The following PAX7 variants were observed in gnomAD, a reference collection of about 807,000 sequenced individuals.
PAX7 encodes paired box 7, also known as paired box protein Pax-7.
A neutral mutation model predicts 50.7 loss-of-function variants in PAX7; 18 were observed. The ratio of observed to expected loss-of-function variants is 0.36; its 90% CI spans 0.25 to 0.53. The LOEUF is 0.53. PAX7 is among the 20% of genes least tolerant of loss of function. The pLI is 0.93. For synonymous variants in PAX7, 310 were observed against 290.4 expected, an observed-to-expected ratio of 1.07 and a Z score of -0.69; for missense variants, 644 against 702.9, an observed-to-expected ratio of 0.92 and a Z score of 0.95.
At chr1:18,635,365 G>A in intron 3 of PAX7, 125 bp downstream of exon 3, 2 of 1,122,370 alleles carry the variant, frequency 1.8e-6, no homozygotes, top group Non-Finnish European at 2.5e-6. Context: ...GAGAAGTTGG[G>A]AGGAAAGGAG....
At chr1:18,645,577 G>A (rs1333633957) in intron 4 of PAX7, among the ~76,000 whole-genome samples, 1 of 152,208 alleles carries the variant, frequency 6.6e-6, no homozygotes, top group African/African-American at 2.4e-5. Context: ...TACGGCTGCG[G>A]GCTCCAATTC....
At chr1:18,729,447 T>C (rs184040569) in intron 7 of PAX7, among the ~76,000 whole-genome samples, 1 of 152,348 alleles carries the variant, frequency 6.6e-6, no homozygotes, top group Non-Finnish European at 1.5e-5. Context: ...CCAAGTTTCA[T>C]GTGCATATTT....
chr1:18,699,430 C>G (rs747961086), intron 5 of PAX7, among the ~76,000 whole-genome samples: 1 of 152,118 alleles, frequency 6.6e-6, no homozygotes, highest in Non-Finnish European at 1.5e-5. Flanking sequence ...GGAGAGGGAA[C>G]AGCATGTGCA....
chr1:18,645,406 G>T (rs2088323222), intron 4 of PAX7, among the ~76,000 whole-genome samples: 1 of 152,252 alleles, frequency 6.6e-6, no homozygotes. Context: ...GGGGCGGCGG[G>T]CGCGATAAGT....
At chr1:18,739,929 A>G (rs1931033319) in intron 8 of PAX7, among the ~76,000 whole-genome samples, 1 of 152,180 alleles carries the variant, frequency 6.6e-6, no homozygotes, top group African/African-American at 2.4e-5. Flanking sequence ...TGTGAAAAGA[A>G]TTTTAATAGA....
rs960375543 is a variant in PAX7 at position 18,746,772 on chromosome 1, A to T, written c.*1843A>T. The T allele has an allele frequency of 4.3e-6, 1 of 231,948 alleles. No homozygotes were observed. The highest frequency in any genetic ancestry group is 2.2e-5 in the African/African-American group (1 of 45,254). 14.4% of individuals were successfully genotyped at this position (231,948 alleles called of 1,614,324 possible). A position where few individuals can be genotyped will look rare whatever the true frequency, so the allele number is the denominator to read the frequency against. On this transcript the variant is annotated 3_prime_UTR_variant, in exon 9 of 9. Coordinates refer to ENST00000420770, the MANE Select transcript of PAX7 (RefSeq NM_001135254.2). ...GCAAGATTCTAGGACACTCACCTGC[A>T]TGGACATCACCTCTGTGACAAATGC... is the stretch of plus-strand genomic sequence containing the variant.
intron 4 of PAX7, among the ~76,000 whole-genome samples, chr1:18,647,077 G>A (rs1349214021): frequency 3.5e-4 from 53 of 151,088 alleles, no homozygotes; most frequent in South Asian, 2.1e-4. Flanking sequence ...GCGGGGGACG[G>A]AACAAAACAG....
chr1:18,734,058 C>A (rs2089680780), intron 7 of PAX7, among the ~76,000 whole-genome samples: 1 of 152,222 alleles, frequency 6.6e-6, no homozygotes, highest in African/African-American at 2.4e-5. Flanking sequence ...CCCGAGGAAT[C>A]CATCAGTGCC....
At chr1:18,635,397 C>T (rs2088134645) in intron 3 of PAX7, among the ~76,000 whole-genome samples, 157 bp downstream of exon 3, 1 of 150,652 alleles carries the variant, frequency 6.6e-6, no homozygotes, top group Admixed American at 6.6e-5. Flanking sequence ...AGAGTTAAGG[C>T]ATAGGAGTAA....
chr1:18,722,096 C>T (rs889387919), intron 7 of PAX7, among the ~76,000 whole-genome samples: 27 of 152,158 alleles, frequency 1.8e-4, no homozygotes, highest in African/African-American at 6.3e-4. Context: ...GGTTAACTCA[C>T]TGAAATGCTT....
chr1:18,707,295 T>G (rs2089295402), intron 7 of PAX7, among the ~76,000 whole-genome samples: 1 of 152,212 alleles, frequency 6.6e-6, no homozygotes, highest in Non-Finnish European at 1.5e-5. Context: ...CTTCTGACTT[T>G]CAGATCCTGC....
Position 18,636,447 on chromosome 1 carries a change from C to T in PAX7, c.586+76C>T, listed in dbSNP as rs2088158650. The stretch of plus-strand genomic sequence containing the variant: ...CCGGTGTGCGGGCCAGTGGTTCGCT[C>T]CCGCCGCCGGAGCAGGCGACCAGAA... On this transcript the variant is annotated intron_variant, in intron 4 of 8. Transcript: ENST00000420770. This position sits in a 1 kb window ranked among gnomAD's most constrained non-coding sequence, Gnocchi z 5.1. 1 of 1,520,116 alleles carries T rather than the reference C, an allele frequency of 6.6e-7. No homozygotes were observed. Among genetic ancestry groups the T allele is most frequent in the African/African-American group, 1.4e-5 (1 of 71,704 alleles). The allele number at this position is 1,520,116 out of a possible 1,614,324, so 94.2% of individuals were successfully genotyped here. A position where few individuals can be genotyped will look rare whatever the true frequency, so the allele number is the denominator to read the frequency against.
intron 7 of PAX7, among the ~76,000 whole-genome samples, chr1:18,720,717 G>C (rs1334834301): frequency 6.7e-6 from 1 of 149,184 alleles, no homozygotes; most frequent in African/African-American, 2.5e-5. Flanking sequence ...AGACTGGGGG[G>C]AGAGAGAGAG....
intron 7 of PAX7, among the ~76,000 whole-genome samples, chr1:18,714,338 G>T (rs963580681): frequency 6.6e-6 from 1 of 152,144 alleles, no homozygotes; most frequent in Admixed American, 6.5e-5. Flanking sequence ...GTGAAATGGG[G>T]CCTCTGCCAC....
chr1:18,659,507 C>T (rs550356519), intron 4 of PAX7, among the ~76,000 whole-genome samples: 14 of 152,218 alleles, frequency 9.2e-5, no homozygotes, highest in African/African-American at 3.4e-4. Flanking sequence ...GAGAATTCCA[C>T]CCATGCCATT....
In PAX7 at chr1:18,726,145, A is replaced by AGTGTGTGTGT. The variant is rs35982827; in HGVS notation, c.1156-9462_1156-9453dup. Among the ~76,000 whole-genome samples the AGTGTGTGTGT allele has an allele frequency of 3.0e-3, 409 of 137,596 alleles. No homozygotes were observed. The highest frequency in any genetic ancestry group is 0.01 in the African/African-American group (372 of 36,688). The allele number at this position is 137,596 out of a possible 152,430, so 90.3% of individuals were successfully genotyped here. Reference sequence around the variant, plus strand: ...ATAAAACAGACATTGGAAGAGTGTGAGTGTGTGTGTGTGTGTGTGTGTGTG... The same window carrying AGTGTGTGTGT: ...ATAAAACAGACATTGGAAGAGTGTGAGTGTGTGTGTGTGTGTGTGTGTGTGTGTGTGTGTG... On this transcript the variant is annotated intron_variant, in intron 7 of 8. Transcript: ENST00000420770. This position sits in a 1 kb window ranked among gnomAD's most constrained non-coding sequence, Gnocchi z 4.8.
chr1:18,678,919 G>A (rs1053542168), intron 4 of PAX7, among the ~76,000 whole-genome samples: 1 of 152,196 alleles, frequency 6.6e-6, no homozygotes, highest in South Asian at 2.1e-4. Context: ...AGGGCTCTGG[G>A]ACTGGCTGCC....
intron 7 of PAX7, among the ~76,000 whole-genome samples, chr1:18,705,515 C>G (rs1222117053): frequency 2.6e-5 from 4 of 152,146 alleles, no homozygotes; most frequent in Non-Finnish European, 5.9e-5. Context: ...ATCCGGCGCA[C>G]CTGACTCCAT....
intron 4 of PAX7, among the ~76,000 whole-genome samples, chr1:18,647,995 A>G (rs2088372644): frequency 6.6e-6 from 1 of 152,218 alleles, no homozygotes; most frequent in African/African-American, 2.4e-5. Flanking sequence ...CAGTTCCTGG[A>G]GCCCAGTAGA....
Sources: gnomAD v4.1 joint callset for allele counts (sites outside exome capture counted in the v4.1 genomes callset) on GRCh38, gnomAD v4.1.1 for gene constraint, Gnocchi (gnomAD v3.1) non-coding constraint, MANE v1.5 for transcripts, NCBI Gene and HGNC (gene_info 2026-07-23, HGNC 2026-07-21) for gene names.